The following ANKRD42 variants were observed in gnomAD, a reference collection of about 807,000 sequenced individuals.
ANKRD42 encodes ankyrin repeat domain-containing protein 42.
In ANKRD42, 43 loss-of-function variants were observed where a neutral mutation model predicts 51.5. The ratio of observed to expected loss-of-function variants is 0.83; its 90% CI spans 0.65 to 1.08. The LOEUF is 1.08. Ranked by LOEUF, ANKRD42 falls within the 50% of genes least tolerant of loss-of-function variation. The probability of loss-of-function intolerance (pLI) is 0.00; values close to 1 mark genes in which losing one functional copy is unlikely to be tolerated. For synonymous variants in ANKRD42, 203 were observed against 213.0 expected (o/e 0.95, Z 0.41); for missense variants, 608 against 629.3 (o/e 0.97, Z 0.36).
At chr11:83,237,225 A>G (rs1465509047) in intron 8 of ANKRD42, among the ~76,000 whole-genome samples, 1 of 152,208 alleles carries the variant, frequency 6.6e-6, no homozygotes, top group African/African-American at 2.4e-5. Context: ...AATTCTAATC[A>G]TTATACTGTA....
At chr11:83,219,637 C>T (rs1862655150) in intron 5 of ANKRD42, among the ~76,000 whole-genome samples, 1 of 152,174 alleles carries the variant, frequency 6.6e-6, no homozygotes, top group South Asian at 2.1e-4. Flanking sequence ...ATTTTCTTCC[C>T]TCCAACACCA....
chr11:83,254,087 G>T (rs1340587309), intron 11 of ANKRD42, among the ~76,000 whole-genome samples: 4 of 152,086 alleles, frequency 2.6e-5, no homozygotes, highest in Admixed American at 2.0e-4. Context: ...CAATCCTCCA[G>T]CCTCAGCCTC....
chr11:83,251,446 T>C (rs1014674919), downstream of ANKRD42, among the ~76,000 whole-genome samples: 14 of 152,202 alleles, frequency 9.2e-5, no homozygotes, highest in African/African-American at 3.4e-4. Flanking sequence ...TTGGGCTTAG[T>C]GTTAAGACTT....
intron 8 of ANKRD42, among the ~76,000 whole-genome samples, chr11:83,238,007 C>CA (rs1242122955): frequency 2.6e-5 from 4 of 152,184 alleles, no homozygotes; most frequent in Non-Finnish European, 4.4e-5. Flanking sequence ...TGGCTTCTTT[C>CA]ACTCAACGTA....
chr11:83,230,747 C>G (rs1013929401), intron 7 of ANKRD42, among the ~76,000 whole-genome samples: 2 of 152,160 alleles, frequency 1.3e-5, no homozygotes, highest in South Asian at 4.2e-4. Context: ...CCACCATGCC[C>G]GGCTAATTTT....
rs11403803 is a variant in ANKRD42 at position 83,228,231 on chromosome 11, C to CTTTTTTT, written c.913+391_913+397dup. On this transcript the variant is annotated intron_variant, in intron 7 of 10. Coordinates refer to ENST00000533342, the MANE Select transcript of ANKRD42 (RefSeq NM_001300975.2). ...AAATAGAAATCATCCCTCTCTCTCT[C>CTTTTTTT]TTTTTTTTTTTTTTTTTTTTTTTTT... 1.4e-3 allele frequency among the ~76,000 whole-genome samples: 84 copies of CTTTTTTT among 59,016 alleles called. 19 individuals carry two copies. Among genetic ancestry groups the CTTTTTTT allele is most frequent in the Non-Finnish European group, 2.1e-3 (65 of 30,784 alleles). 38.7% of individuals were successfully genotyped at this position (59,016 alleles called of 152,430 possible). A position where few individuals can be genotyped will look rare whatever the true frequency, so the allele number is the denominator to read the frequency against.
chr11:83,257,199 A>G (rs1863788742), downstream of ANKRD42: 2 of 400,358 alleles, frequency 5.0e-6, no homozygotes, highest in South Asian at 3.6e-5. Context: ...TACTAGGTCA[A>G]AATGGCTTTA....
chr11:83,212,958 C>T (rs752277921), intron 5 of ANKRD42: 1 of 1,553,002 alleles, frequency 6.4e-7, no homozygotes, highest in South Asian at 1.2e-5. Flanking sequence ...AAAAGCCCCT[C>T]TCTCGGCGCT....
At chr11:83,251,627 A>T (rs922063333), downstream of ANKRD42, among the ~76,000 whole-genome samples, 5 of 152,142 alleles carry the variant, frequency 3.3e-5, no homozygotes, top group African/African-American at 1.2e-4. Flanking sequence ...TAAACCCCTC[A>T]CATTCCCTCT....
intron 9 of ANKRD42, among the ~76,000 whole-genome samples, chr11:83,242,851 CTG>C (rs1863435668): frequency 6.6e-6 from 1 of 152,160 alleles, no homozygotes; most frequent in Non-Finnish European, 1.5e-5. Flanking sequence ...GCGTGAGCCA[CTG>C]TGCCCGGCCG....
intron 7 of ANKRD42, among the ~76,000 whole-genome samples, chr11:83,235,977 T>G (rs1000403170): frequency 1.3e-5 from 2 of 152,242 alleles, no homozygotes; most frequent in African/African-American, 2.4e-5. Flanking sequence ...TTTTGAAGTC[T>G]GTGTAGGTCC....
intron 1 of ANKRD42, 28 bp downstream of exon 1, chr11:83,194,756 C>T (rs1298924420): frequency 1.3e-6 from 2 of 1,550,258 alleles, no homozygotes; most frequent in Admixed American, 2.1e-5. Context: ...TGGCCTTCAT[C>T]TCTGTCGTAT....
At chr11:83,195,779 C>T (rs1861623066) in intron 1 of ANKRD42, among the ~76,000 whole-genome samples, 1 of 150,522 alleles carries the variant, frequency 6.6e-6, no homozygotes, top group South Asian at 2.1e-4. Flanking sequence ...TTCAGAGTCT[C>T]ATTTTTTCTG....
At chr11:83,251,328 T>C (rs1414777351), downstream of ANKRD42, among the ~76,000 whole-genome samples, 1 of 152,172 alleles carries the variant, frequency 6.6e-6, no homozygotes, top group Non-Finnish European at 1.5e-5. Flanking sequence ...CACAGCATGA[T>C]TGGGCACTTA....
chr11:83,238,061 T>C (rs950937672), intron 8 of ANKRD42, among the ~76,000 whole-genome samples: 5 of 152,228 alleles, frequency 3.3e-5, no homozygotes, highest in African/African-American at 4.8e-5. Flanking sequence ...TTCATTTCCT[T>C]CTTACAGCTG....
In ANKRD42 at chr11:83,225,019, G is replaced by A. The variant is rs1278396471; in HGVS notation, c.751G>A (p.Ala251Thr). 6.2e-7 allele frequency: 1 copy of A among 1,612,776 alleles called. No individual in the cohort carries two copies. The change falls in exon 6 of 11, where the codon GCT becomes ACT. Residue 251 changes from alanine (A) to threonine (T), a missense_variant. Ala to Thr is a moderately conservative substitution (Grantham distance 58). Coordinates refer to ENST00000533342, the MANE Select transcript of ANKRD42 (RefSeq NM_001300975.2). ...KQNILQFIQG[A>T]EYEGKDLEDQ... ...GAACATTTTACAGTTTATCCAGGGG[G>A]CTGAGTATGAAGGAAAAGACCTAGA...
downstream of ANKRD42, among the ~76,000 whole-genome samples, chr11:83,263,474 A>G (rs80247319): frequency 0.02 from 3,088 of 152,334 alleles, 96 homozygotes; most frequent in African/African-American, 0.07. Context: ...ACATATATGT[A>G]AAATGCTTAG....
chr11:83,244,583 A>ACT, intron 9 of ANKRD42, among the ~76,000 whole-genome samples: 1 of 152,330 alleles, frequency 6.6e-6, no homozygotes, highest in Non-Finnish European at 1.5e-5. Flanking sequence ...GCCTTCACTT[A>ACT]CTAGATGCCA....
chr11:83,214,601 A>C, intron 5 of ANKRD42: 2 of 961,048 alleles, frequency 2.1e-6, no homozygotes, highest in South Asian at 4.8e-5. Flanking sequence ...TTTATTGATA[A>C]ATGTACATAT....
Sources: gnomAD v4.1 joint callset for allele counts (sites outside exome capture counted in the v4.1 genomes callset) on GRCh38, gnomAD v4.1.1 for gene constraint, MANE v1.5 for transcripts, NCBI Gene and HGNC (gene_info 2026-07-23, HGNC 2026-07-21) for gene names.